Variants in SRP19 observed in about 807,000 individuals in gnomAD.
SRP19 encodes the protein signal recognition particle 19.
A neutral mutation model predicts 22.4 loss-of-function variants in SRP19; 11 were observed. The ratio of observed to expected loss-of-function variants is 0.49; its 90% confidence interval spans 0.31 to 0.81. The LOEUF is 0.81. Among genes scored for constraint, SRP19 ranks in the 40% least tolerant of loss-of-function variants. SRP19 has a pLI of 0.05. For synonymous variants in SRP19, 61 were observed against 57.6 expected, an observed-to-expected ratio of 1.06 and a Z score of -0.27; for missense variants, 168 against 175.9, an observed-to-expected ratio of 0.96 and a Z score of 0.25.
downstream of SRP19, chr5:112,897,610 A>G (rs1214708937): frequency 6.6e-6 from 1 of 152,214 alleles, no homozygotes; most frequent in Non-Finnish European, 1.5e-5. Context: ...AATATGCATG[A>G]TCCAATTTCT....
chr5:112,872,319 A>ATTCTTT (rs1767776931), downstream of SRP19, among the ~76,000 whole-genome samples: 1 of 84,866 alleles, frequency 1.2e-5, no homozygotes, highest in African/African-American at 3.8e-5. Flanking sequence ...TCCCCAAATG[A>ATTCTTT]TTCTTTTTTT....
intron 4 of SRP19, among the ~76,000 whole-genome samples, chr5:112,888,657 A>G (rs1768338272): frequency 6.8e-6 from 1 of 146,242 alleles, no homozygotes; most frequent in African/African-American, 2.7e-5. Context: ...TATCTCAACT[A>G]CAGTAAAAAG....
intron 4 of SRP19, 156 bp downstream of exon 4, chr5:112,864,888 A>G (rs1168581632): frequency 2.9e-5 from 14 of 490,462 alleles, no homozygotes; most frequent in Middle Eastern, 5.5e-4. Flanking sequence ...CAGTAGTTCT[A>G]ATTTCTTTGA....
downstream of SRP19, among the ~76,000 whole-genome samples, chr5:112,872,183 C>G (rs1381623843): frequency 1.3e-5 from 2 of 152,184 alleles, no homozygotes; most frequent in African/African-American, 2.4e-5. Flanking sequence ...GTTCACAGCT[C>G]AGCCGTGTAG....
chr5:112,888,941 G>A (rs1357995486), intron 4 of SRP19, among the ~76,000 whole-genome samples: 1 of 150,796 alleles, frequency 6.6e-6, no homozygotes, highest in Non-Finnish European at 1.5e-5. Flanking sequence ...GTGGTTTCCT[G>A]CCATACTGTT....
chr5:112,889,815 C>G (rs114560733), intron 4 of SRP19, among the ~76,000 whole-genome samples: 3,259 of 137,974 alleles, frequency 0.024, 281 homozygotes, highest in African/African-American at 0.095. Flanking sequence ...GACCACATCT[C>G]TAGGAAAAAA....
rs1230899721 is a variant in SRP19 at position 112,868,773 on chromosome 5, A to G, written c.*1236A>G. On this transcript the variant is annotated 3_prime_UTR_variant, in exon 5 of 5. Transcript: ENST00000505459. ...AATAAGCAAACCTAGAGTTGTGGAG[A>G]TTTATATGTATTTATTTATTTGAAT... 6.6e-6 allele frequency: 1 copy of G among 151,632 alleles called. No homozygotes were observed. The highest frequency in any genetic ancestry group is 2.4e-5 in the African/African-American group (1 of 41,232). The allele number at this position is 151,632 out of a possible 1,614,324, so 9.4% of individuals were successfully genotyped here.
intron 4 of SRP19, among the ~76,000 whole-genome samples, chr5:112,875,269 T>C (rs448613): frequency 0.44 from 66,663 of 152,126 alleles, 17,084 homozygotes; most frequent in East Asian, 0.66. Context: ...ACCTGTGTTA[T>C]TCTAAACACC....
chr5:112,885,778 G>A lies in SRP19; in HGVS notation c.302-5825G>A, dbSNP rs180720086. 8 of 248,704 alleles carry A rather than the reference G, an allele frequency of 3.2e-5. No individual in the cohort carries two copies. In the East Asian group the frequency reaches 3.5e-4, roughly 11 times the overall value. 15.4% of individuals were successfully genotyped at this position (248,704 alleles called of 1,614,324 possible). ...TTTTGACTACATATATGCCAAGCCC[G>A]TAGTCTGAGACAGAGAGCCAAGCTA... is the stretch of plus-strand genomic sequence containing the variant. On this transcript the variant is annotated intron_variant, in intron 4 of 4. Coordinates refer to the SRP19 transcript ENST00000391338.
chr5:112,876,055 C>T (rs1388688712), intron 4 of SRP19, among the ~76,000 whole-genome samples: 1 of 151,254 alleles, frequency 6.6e-6, no homozygotes, highest in Non-Finnish European at 1.5e-5. Flanking sequence ...AAGTTTATTA[C>T]ATCAAGATGC....
rs1428039482 is a variant in SRP19, at chr5:112,890,474, T to G, written c.302-1129T>G. 3.3e-5 allele frequency among the ~76,000 whole-genome samples: 5 copies of G among 150,274 alleles called. 1 individual carries two copies. Among genetic ancestry groups the G allele is most frequent in the African/African-American group, 1.2e-4 (5 of 40,192 alleles). ...GCCTCAACTTCCTGGGCTCAAGTGA[T>G]TCTCCCGCCTCAGCCCCCCAGGTAG... On this transcript the variant is annotated intron_variant, in intron 4 of 4. Coordinates refer to the SRP19 transcript ENST00000391338.
At chr5:112,878,219 TC>T (rs995079679) in intron 4 of SRP19, 1 of 152,894 alleles carries the variant, frequency 6.5e-6, no homozygotes. Context: ...GCACAATGGT[TC>T]CTCCAGCTTT....
At chr5:112,894,511 A>G (rs979233221), downstream of SRP19, 1 of 152,248 alleles carries the variant, frequency 6.6e-6, no homozygotes, top group Non-Finnish European at 1.5e-5. Flanking sequence ...ATACAACATT[A>G]TGATATGCAG....
At chr5:112,893,285 C>CTA (rs1263954924), downstream of SRP19, 2 of 252,396 alleles carry the variant, frequency 7.9e-6, no homozygotes, top group Non-Finnish European at 1.5e-5. Flanking sequence ...TGGCAGGCGT[C>CTA]TGTAATCCAA....
chr5:112,888,853 A>T (rs907788236), intron 4 of SRP19, among the ~76,000 whole-genome samples: 1 of 150,596 alleles, frequency 6.6e-6, no homozygotes, highest in Non-Finnish European at 1.5e-5. Context: ...CCCCACCCAA[A>T]TCTCATCTTG....
rs560202484 is a variant in SRP19 at position 112,891,749 on chromosome 5, G to A, written c.*142G>A. 238 of 1,614,056 alleles carry A rather than the reference G, an allele frequency of 1.5e-4. No homozygotes were observed. The African/African-American group carries it at 2.3e-3, about 15-fold the overall frequency. On this transcript the variant is annotated 3_prime_UTR_variant, in exon 5 of 5. Transcript: ENST00000391338. Reference sequence around the variant, plus strand: ...AAGAAGGAGAAACGAAAGAAACGTCGGCAGGAACTTGCTCGACTGAGAGAC... The same window carrying A: ...AAGAAGGAGAAACGAAAGAAACGTCAGCAGGAACTTGCTCGACTGAGAGAC...
rs142283616 is a variant in SRP19, at chr5:112,888,949, G to C, written c.302-2654G>C. Among the ~76,000 whole-genome samples, 154 of 150,928 alleles carry C rather than the reference G, an allele frequency of 1.0e-3. 12 individuals are homozygous for C. Among genetic ancestry groups the C allele is most frequent in the African/African-American group, 3.5e-3 (144 of 40,658 alleles). ...CATGGGGGTGGTTTCCTGCCATACT[G>C]TTCTCATGGTAGTGAATAAGTCTCA... On this transcript the variant is annotated intron_variant, in intron 4 of 4. Transcript: ENST00000391338.
At position 112,864,664 on chromosome 5, in the gene SRP19, A is replaced by G; in HGVS notation, c.233A>G (p.Tyr78Cys). ...YSREWNRDVQ[Y>C]RGRVRVQLKQ... Reference sequence around the variant, plus strand: ...AGAGAATGGAATCGTGATGTCCAATACAGAGGCAGAGTCCGGGTCCAGCTC... The same window carrying G: ...AGAGAATGGAATCGTGATGTCCAATGCAGAGGCAGAGTCCGGGTCCAGCTC... The change falls in exon 4 of 5, where the codon TAC becomes TGC. Residue 78 changes from tyrosine (Y) to cysteine (C), a missense_variant. By Grantham distance (194) the Tyr-to-Cys change is radical. Transcript: ENST00000505459. 1 of 1,614,200 alleles carries G rather than the reference A, an allele frequency of 6.2e-7. No homozygotes were observed. The highest frequency in any genetic ancestry group is 8.5e-7 in the Non-Finnish European group (1 of 1,180,030).
chr5:112,897,351 TCACACACACACACACACACACACACA>T (rs34612314), downstream of SRP19: 3 of 97,790 alleles, frequency 3.1e-5, no homozygotes, highest in Admixed American at 1.8e-4. Context: ...ACACATCCCA[TCACACACACACACACACACACACACA>T]CACACACACA....
Sources: gnomAD v4.1 joint callset for allele counts (sites outside exome capture counted in the v4.1 genomes callset) on GRCh38, gnomAD v4.1.1 for gene constraint, MANE v1.5 for transcripts, NCBI Gene and HGNC (gene_info 2026-07-23, HGNC 2026-07-21) for gene names.